ATP6V1G2: variants seen among roughly 807,000 people sequenced by gnomAD.
ATP6V1G2 encodes the protein ATPase H+ transporting V1 subunit G2, also known as V-type proton ATPase subunit G 2.
ATP6V1G2 carries 14 observed loss-of-function variants against 17.8 expected under a neutral mutation model. The ratio of observed to expected loss-of-function variants is 0.79; its 90% CI spans 0.52 to 1.23. The LOEUF (loss-of-function observed/expected upper bound fraction) is 1.23. Among genes scored for constraint, ATP6V1G2 ranks in the 50% most tolerant of loss-of-function variants. The pLI is 0.00. For missense variants in ATP6V1G2, 112 were observed against 152.2 expected (o/e 0.74, Z 1.39); for synonymous variants, 57 against 54.8 (o/e 1.04, Z -0.17).
Position 31,546,042 on chromosome 6 carries a change from T to A in ATP6V1G2, c.183+67A>T. 1 of 1,512,794 alleles carries A rather than the reference T, an allele frequency of 6.6e-7. No individual in the cohort carries two copies. The allele number at this position is 1,512,794 out of a possible 1,614,324, so 93.7% of individuals were successfully genotyped here. A position where few individuals can be genotyped will look rare whatever the true frequency, so the allele number is the denominator to read the frequency against. ...CCATATTTTCTTGTTGAGTCACCCTTACACACCTCACTAGATGCACCCACC... is the reference window on the plus strand; with the variant it reads ...CCATATTTTCTTGTTGAGTCACCCTAACACACCTCACTAGATGCACCCACC... On this transcript the variant is annotated intron_variant, in intron 2 of 2. Coordinates refer to ENST00000303892, the MANE Select transcript of ATP6V1G2 (RefSeq NM_130463.4). This position sits in a 1 kb window ranked among gnomAD's most constrained non-coding sequence, Gnocchi z 4.1.
At position 31,546,261 on chromosome 6, in the gene ATP6V1G2, T is replaced by G; in HGVS notation, c.83-52A>C. Reference sequence around the variant, plus strand: ...TGGGGATGGACCCACACACACACAATGTAATAGCAGGAGTCAGTCCCTTCC... The same window carrying G: ...TGGGGATGGACCCACACACACACAAGGTAATAGCAGGAGTCAGTCCCTTCC... On this transcript the variant is annotated intron_variant, in intron 1 of 2. Coordinates refer to ENST00000303892, the MANE Select transcript of ATP6V1G2 (RefSeq NM_130463.4). This position sits in a 1 kb window ranked among gnomAD's most constrained non-coding sequence, Gnocchi z 4.1. 1 of 1,527,124 alleles carries G rather than the reference T, an allele frequency of 6.5e-7. No individual in the cohort carries two copies. The highest frequency in any genetic ancestry group is 9.1e-7 in the Non-Finnish European group (1 of 1,103,628). 94.6% of individuals were successfully genotyped at this position (1,527,124 alleles called of 1,614,324 possible).
rs982705653 is a variant in ATP6V1G2, at chr6:31,545,440, G to A, written c.325C>T (p.Gln109Ter). 6.2e-7 allele frequency: 1 copy of A among 1,613,970 alleles called. No individual in the cohort carries two copies. Among genetic ancestry groups the A allele is most frequent in the Non-Finnish European group, 8.5e-7 (1 of 1,179,984 alleles). ...LLGMVCDVRP[Q>*]VHPNYRISA ...GAAATCCGGTAGTTGGGGTGGACCT[G>A]GGGCCTGACGTCGCAGACCATGCCA... The change falls in exon 3 of 3, where the codon CAG becomes TAG. Residue 109 changes from glutamine (Q) to a stop codon, truncating the protein, a stop_gained. Transcript: ENST00000303892. LOFTEE classifies it high-confidence loss of function. This position sits in a 1 kb window ranked among gnomAD's most constrained non-coding sequence, Gnocchi z 4.9.
chr6:31,546,281 C>T lies in ATP6V1G2; in HGVS notation c.83-72G>A. On this transcript the variant is annotated intron_variant, in intron 1 of 2. Transcript: ENST00000303892. The surrounding 1 kb of genome is among the most constrained non-coding windows in gnomAD (Gnocchi z 4.1). ...CACAATGTAATAGCAGGAGTCAGTC[C>T]CTTCCAGAAAGTTATACAGCCTTCT... 6.8e-7 allele frequency: 1 copy of T among 1,469,798 alleles called. No homozygotes were observed. Among genetic ancestry groups the T allele is most frequent in the South Asian group, 1.1e-5 (1 of 88,180 alleles). The allele number at this position is 1,469,798 out of a possible 1,614,324, so 91.0% of individuals were successfully genotyped here.
In ATP6V1G2 at chr6:31,546,479, C is replaced by G. The variant is rs1314685302; in HGVS notation, c.81G>C (p.Lys27Asn). The change falls in exon 1 of 3, where the codon AAG (lysine) becomes AAC (asparagine). Residue 27 changes from lysine to asparagine, a missense_variant and splice_region_variant. Lys to Asn is a moderately conservative substitution (Grantham distance 94). Transcript: ENST00000303892. This position sits in a 1 kb window ranked among gnomAD's most constrained non-coding sequence, Gnocchi z 4.1. ...RAAEKVADAR[K>N]RKARRLKQAK... ...TAAGGGAGGAAAGAGGAGACTCACTCTTTCTGGCATCTGCCACCTTCTCAG... is the reference window on the plus strand; with the variant it reads ...TAAGGGAGGAAAGAGGAGACTCACTGTTTCTGGCATCTGCCACCTTCTCAG... 5 of 1,613,866 alleles carry G rather than the reference C, an allele frequency of 3.1e-6. No individual in the cohort carries two copies. The highest frequency in any genetic ancestry group is 4.2e-6 in the Non-Finnish European group (5 of 1,179,820).
chr6:31,546,669 C>A, upstream of ATP6V1G2: 2 of 974,304 alleles, frequency 2.1e-6, no homozygotes, highest in South Asian at 1.4e-5. This position sits in a 1 kb window ranked among gnomAD's most constrained non-coding sequence, Gnocchi z 4.1. Flanking sequence ...TCCTCCACTA[C>A]CCCTGGGTCT....
chr6:31,546,553 T>A lies in ATP6V1G2; in HGVS notation c.7A>T (p.Ser3Cys), dbSNP rs1562441303. Residue 3 changes from serine to cysteine, a missense_variant, in exon 1 of 3, where the codon AGT (serine) becomes TGT (cysteine). Physicochemically the swap from Ser to Cys is moderately radical, Grantham distance 112. Transcript: ENST00000303892. The surrounding 1 kb of genome is among the most constrained non-coding windows in gnomAD (Gnocchi z 4.1). MASQSQGIQQLLQ... is the reference protein window; with the variant it reads MACQSQGIQQLLQ... ...AGCTGCTGGATACCTTGGGACTGAC[T>A]GGCCATTTCTGTTGTTATGGCCGAT... The A allele has an allele frequency of 6.2e-7, 1 of 1,613,970 alleles. No homozygotes were observed. Among genetic ancestry groups the A allele is most frequent in the Non-Finnish European group, 8.5e-7 (1 of 1,179,988 alleles).
upstream of ATP6V1G2, chr6:31,546,695 C>A: frequency 1.4e-6 from 1 of 719,864 alleles, no homozygotes; most frequent in South Asian, 1.6e-5. This position sits in a 1 kb window ranked among gnomAD's most constrained non-coding sequence, Gnocchi z 4.1. Context: ...CTCCCCTGCT[C>A]ACTCAGCCTC....
In ATP6V1G2 at chr6:31,546,215, G is replaced by A. The variant is rs746538352; in HGVS notation, c.83-6C>T. ...CTTCAGTCGCCGGGCCTTCCCTGGA[G>A]GCAGAAGAAAGGACAGTGAGTGGGG... is the stretch of plus-strand genomic sequence containing the variant. On this transcript the variant is annotated splice_region_variant and splice_polypyrimidine_tract_variant and intron_variant, in intron 1 of 2. Transcript: ENST00000303892. The surrounding 1 kb of genome is among the most constrained non-coding windows in gnomAD (Gnocchi z 4.1). 1.9e-6 allele frequency: 3 copies of A among 1,613,630 alleles called. No homozygotes were observed. The highest frequency in any genetic ancestry group is 2.5e-6 in the Non-Finnish European group (3 of 1,179,852).
Position 31,546,333 on chromosome 6 carries a change from ATATCCATCCATTTCT to A in ATP6V1G2, c.82+130_83-125del, listed in dbSNP as rs1768987837. 6.4e-6 allele frequency: 8 copies of A among 1,252,576 alleles called. No homozygotes were observed. Among genetic ancestry groups the A allele is most frequent in the Admixed American group, 1.9e-5 (1 of 51,304 alleles). The allele number at this position is 1,252,576 out of a possible 1,614,324, so 77.6% of individuals were successfully genotyped here. A position where few individuals can be genotyped will look rare whatever the true frequency, so the allele number is the denominator to read the frequency against. On this transcript the variant is annotated intron_variant, in intron 1 of 2. Coordinates refer to ENST00000303892, the MANE Select transcript of ATP6V1G2 (RefSeq NM_130463.4). The surrounding 1 kb of genome is among the most constrained non-coding windows in gnomAD (Gnocchi z 4.1). ...TCAGCCAACCAGGTGCCAGATTCTA[ATATCCATCCATTTCT>A]TCCCTCCTAACCAGCCTCCAGACCC...
rs1373098308 is a variant in ATP6V1G2, at chr6:31,546,450, C to T, written c.82+28G>A. 6.2e-7 allele frequency: 1 copy of T among 1,607,402 alleles called. No homozygotes were observed. Among genetic ancestry groups the T allele is most frequent in the Non-Finnish European group, 8.5e-7 (1 of 1,174,410 alleles). ...CCCCACCCCCAATTTTCTTTCCAAA[C>T]TCCTAAGGGAGGAAAGAGGAGACTC... On this transcript the variant is annotated intron_variant, in intron 1 of 2. Transcript: ENST00000303892. This position sits in a 1 kb window ranked among gnomAD's most constrained non-coding sequence, Gnocchi z 4.1.
chr6:31,545,951 A>G lies in ATP6V1G2; in HGVS notation c.183+158T>C, dbSNP rs1768948696. The G allele has an allele frequency of 2.8e-6, 2 of 718,264 alleles. No individual in the cohort carries two copies. The highest frequency in any genetic ancestry group is 4.8e-6 in the Non-Finnish European group (2 of 412,948). The allele number at this position is 718,264 out of a possible 1,614,324, so 44.5% of individuals were successfully genotyped here. On this transcript the variant is annotated intron_variant, in intron 2 of 2. Transcript: ENST00000303892. The surrounding 1 kb of genome is among the most constrained non-coding windows in gnomAD (Gnocchi z 4.9). ...TCAAAACTCCCAGACTCTCCTACAT[A>G]TCATCACAAAGTTTCACCAATGTTG...
At position 31,546,495 on chromosome 6, in the gene ATP6V1G2, A is replaced by G; in HGVS notation, c.65T>C (p.Val22Ala). Residue 22 changes from valine to alanine, a missense_variant, in exon 1 of 3, where the codon GTG (valine) becomes GCG (alanine). By Grantham distance (64) the Val-to-Ala change is moderately conservative. Coordinates refer to ENST00000303892, the MANE Select transcript of ATP6V1G2 (RefSeq NM_130463.4). The surrounding 1 kb of genome is among the most constrained non-coding windows in gnomAD (Gnocchi z 4.1). The part of the protein sequence containing the change: ...LQAEKRAAEK[V>A]ADARKRKARR... ...AGACTCACTCTTTCTGGCATCTGCC[A>G]CCTTCTCAGCTGCCCGCTTCTCAGC... 1.2e-6 allele frequency: 2 copies of G among 1,613,698 alleles called. No individual in the cohort carries two copies. Among genetic ancestry groups the G allele is most frequent in the Non-Finnish European group, 8.5e-7 (1 of 1,179,906 alleles).
chr6:31,544,709 A>C lies in ATP6V1G2; in HGVS notation c.*699T>G, dbSNP rs192182050. 2 of 456,760 alleles carry C rather than the reference A, an allele frequency of 4.4e-6. No homozygotes were observed. The highest frequency in any genetic ancestry group is 1.4e-4 in the East Asian group (2 of 14,402). 28.3% of individuals were successfully genotyped at this position (456,760 alleles called of 1,614,324 possible). On this transcript the variant is annotated 3_prime_UTR_variant, in exon 3 of 3. Transcript: ENST00000303892. The stretch of plus-strand genomic sequence containing the variant: ...ATGCAGTTATCTACCTGGAATTATA[A>C]GAGAGGGGCTAAATGTAGTCATCTC...
rs964062445 is a variant in ATP6V1G2 at position 31,544,990 on chromosome 6, A to G, written c.*418T>C. 9.9e-5 allele frequency: 35 copies of G among 352,462 alleles called. No individual in the cohort carries two copies. Among genetic ancestry groups the G allele is most frequent in the Non-Finnish European group, 1.6e-4 (29 of 181,908 alleles). The allele number at this position is 352,462 out of a possible 1,614,324, so 21.8% of individuals were successfully genotyped here. Reference sequence around the variant, plus strand: ...TCCTAATCATTGAAGCAACCCTCACAAGGTAGGCATTATTATCATCCCAGT... The same window carrying G: ...TCCTAATCATTGAAGCAACCCTCACGAGGTAGGCATTATTATCATCCCAGT... On this transcript the variant is annotated 3_prime_UTR_variant, in exon 3 of 3. Coordinates refer to ENST00000303892, the MANE Select transcript of ATP6V1G2 (RefSeq NM_130463.4).
chr6:31,544,974 T>C lies in ATP6V1G2; in HGVS notation c.*434A>G, dbSNP rs912669943. ...GACTTTACAGAATGATTCCTAATCA[T>C]TGAAGCAACCCTCACAAGGTAGGCA... is the stretch of plus-strand genomic sequence containing the variant. On this transcript the variant is annotated 3_prime_UTR_variant, in exon 3 of 3. Transcript: ENST00000303892. The C allele has an allele frequency of 1.2e-5, 4 of 347,080 alleles. No homozygotes were observed. The highest frequency in any genetic ancestry group is 1.7e-5 in the Non-Finnish European group (3 of 177,230). 21.5% of individuals were successfully genotyped at this position (347,080 alleles called of 1,614,324 possible). A position where few individuals can be genotyped will look rare whatever the true frequency, so the allele number is the denominator to read the frequency against.
At position 31,544,678 on chromosome 6, in the gene ATP6V1G2, T is replaced by C. The variant is rs760716002; in HGVS notation, c.*730A>G. 1 of 455,006 alleles carries C rather than the reference T, an allele frequency of 2.2e-6. No homozygotes were observed. The highest frequency in any genetic ancestry group is 1.6e-5 in the South Asian group (1 of 64,194). The allele number at this position is 455,006 out of a possible 1,614,324, so 28.2% of individuals were successfully genotyped here. A position where few individuals can be genotyped will look rare whatever the true frequency, so the allele number is the denominator to read the frequency against. On this transcript the variant is annotated 3_prime_UTR_variant, in exon 3 of 3. Coordinates refer to ENST00000303892, the MANE Select transcript of ATP6V1G2 (RefSeq NM_130463.4). ...CAGCAAAAGAAAAACAAAGAGAGGC[T>C]ACAAAATGCAGTTATCTACCTGGAA...
chr6:31,546,210 C>A lies in ATP6V1G2; in HGVS notation c.83-1G>T. 6.2e-7 allele frequency: 1 copy of A among 1,613,866 alleles called. No homozygotes were observed. The highest frequency in any genetic ancestry group is 8.5e-7 in the Non-Finnish European group (1 of 1,179,936). Reference sequence around the variant, plus strand: ...GCCTGCTTCAGTCGCCGGGCCTTCCCTGGAGGCAGAAGAAAGGACAGTGAG... The same window carrying A: ...GCCTGCTTCAGTCGCCGGGCCTTCCATGGAGGCAGAAGAAAGGACAGTGAG... On this transcript the variant is annotated splice_acceptor_variant, in intron 1 of 2. Transcript: ENST00000303892. LOFTEE classifies it high-confidence loss of function. This position sits in a 1 kb window ranked among gnomAD's most constrained non-coding sequence, Gnocchi z 4.1.
At position 31,544,858 on chromosome 6, in the gene ATP6V1G2, G is replaced by A. The variant is rs1768838563; in HGVS notation, c.*550C>T. 1 of 444,482 alleles carries A rather than the reference G, an allele frequency of 2.2e-6. No homozygotes were observed. Among genetic ancestry groups the A allele is most frequent in the Non-Finnish European group, 4.5e-6 (1 of 221,242 alleles). 27.5% of individuals were successfully genotyped at this position (444,482 alleles called of 1,614,324 possible). ...GTGATGGACGTGAGGAAACAGCTGT[G>A]TAGGTTTTGACCAGTGAGCAGGTGG... is the stretch of plus-strand genomic sequence containing the variant. On this transcript the variant is annotated 3_prime_UTR_variant, in exon 3 of 3. Coordinates refer to ENST00000303892, the MANE Select transcript of ATP6V1G2 (RefSeq NM_130463.4).
In ATP6V1G2 at chr6:31,546,085, C is replaced by T; in HGVS notation, c.183+24G>A. 2.5e-6 allele frequency: 4 copies of T among 1,612,782 alleles called. No homozygotes were observed. The highest frequency in any genetic ancestry group is 3.4e-6 in the Non-Finnish European group (4 of 1,178,928). On this transcript the variant is annotated intron_variant, in intron 2 of 2. Coordinates refer to ENST00000303892, the MANE Select transcript of ATP6V1G2 (RefSeq NM_130463.4). The surrounding 1 kb of genome is among the most constrained non-coding windows in gnomAD (Gnocchi z 4.1). ...CACCCACCAACTTGCAGTGGGGTCTCAACCCGACTCTGCCTCAACTCACCG... is the reference window on the plus strand; with the variant it reads ...CACCCACCAACTTGCAGTGGGGTCTTAACCCGACTCTGCCTCAACTCACCG...
Sources: allele counts gnomAD v4.1 joint callset, GRCh38; gene constraint gnomAD v4.1.1; non-coding constraint Gnocchi (gnomAD v3.1); transcripts MANE v1.5; gene names NCBI Gene and HGNC (gene_info 2026-07-23, HGNC 2026-07-21).